DGKG: variants seen among roughly 807,000 people sequenced by gnomAD.
The protein encoded by DGKG is diacylglycerol kinase gamma, also known as DAG kinase gamma.
A neutral mutation model predicts 105.3 loss-of-function variants in DGKG; 78 were observed. The observed-to-expected ratio is 0.74, with a 90% CI of 0.62 to 0.89. The LOEUF is 0.89. Among genes scored for constraint, DGKG ranks in the 40% least tolerant of loss-of-function variants. The pLI, the probability that DGKG is intolerant of heterozygous loss-of-function variation, is 0.00. For missense variants in DGKG, 958 were observed against 1,020.1 expected, an observed-to-expected ratio of 0.94 and a Z score of 0.83; for synonymous variants, 346 against 367.1, an observed-to-expected ratio of 0.94 and a Z score of 0.66.
At chr3:186,255,169 G>T (rs755605820) in intron 17 of DGKG, among the ~76,000 whole-genome samples, 7 of 152,174 alleles carry the variant, frequency 4.6e-5, no homozygotes, top group Non-Finnish European at 8.8e-5. Context: ...ACCTCCCCGA[G>T]GGGGACTGGG....
Position 186,272,307 on chromosome 3 carries a change from C to T in DGKG, c.947G>A (p.Arg316Lys), listed in dbSNP as rs2193587. ...KYTVHERCVS[R>K]NIPGCVKTYS... ...CGTTTTGACACAACCAGGAATGTTT[C>T]TGGACACACAGCGTTCGTGGACAGT... Residue 316 changes from arginine (R) to lysine (K), a missense_variant, in exon 11 of 25, where the codon AGA becomes AAA. Physicochemically the swap from Arg to Lys is conservative, Grantham distance 26. This residue lies in a region of DGKG where 643 missense variants were observed against 619.5 expected (regional missense o/e 1.04). Coordinates refer to ENST00000265022, the MANE Select transcript of DGKG (RefSeq NM_001346.3). The T allele has an allele frequency of 0.79, 1,271,853 of 1,612,738 alleles. 502,996 individuals are homozygous for T. Among genetic ancestry groups the T allele is most frequent in the African/African-American group, 0.9 (67,389 of 75,000 alleles).
rs143487672 is a variant in DGKG at position 186,148,086 on chromosome 3, G to A, written c.*2004C>T. The A allele has an allele frequency of 1.4e-5, 14 of 985,456 alleles. No individual in the cohort carries two copies. In the African/African-American group the frequency reaches 1.6e-4, roughly 11 times the overall value. The allele number at this position is 985,456 out of a possible 1,614,324, so 61.0% of individuals were successfully genotyped here. ...CCAATGCAAGATTAGAGGCAGCTCA[G>A]TGGAACGATATCAAGTGGGTCCAAG... On this transcript the variant is annotated 3_prime_UTR_variant, in exon 25 of 25. Coordinates refer to ENST00000265022, the MANE Select transcript of DGKG (RefSeq NM_001346.3).
chr3:186,262,841 A>T (rs1721839737), intron 14 of DGKG, among the ~76,000 whole-genome samples: 1 of 152,006 alleles, frequency 6.6e-6, no homozygotes, highest in Admixed American at 6.6e-5. Context: ...TACTAAAAAA[A>T]TTTTTGGCTG....
intron 23 of DGKG, among the ~76,000 whole-genome samples, chr3:186,163,113 C>CCAGGAGG: frequency 6.6e-6 from 1 of 152,256 alleles, no homozygotes; most frequent in African/African-American, 2.4e-5. Flanking sequence ...TCAAGCGATC[C>CCAGGAGG]TCCTACCTCA....
At chr3:186,269,697 C>T (rs1722226360) in intron 11 of DGKG, among the ~76,000 whole-genome samples, 1 of 152,160 alleles carries the variant, frequency 6.6e-6, no homozygotes, top group Non-Finnish European at 1.5e-5. Context: ...CTAAAAAGCA[C>T]TCTAGAAGGA....
At chr3:186,185,602 C>T (rs914244633) in intron 22 of DGKG, among the ~76,000 whole-genome samples, 1 of 152,096 alleles carries the variant, frequency 6.6e-6, no homozygotes, top group East Asian at 1.9e-4. Context: ...CCCTTCTCTG[C>T]TCTGAGGGAG....
chr3:186,280,657 T>A lies in DGKG; in HGVS notation c.669+13A>T. 6.2e-7 allele frequency: 1 copy of A among 1,610,752 alleles called. No homozygotes were observed. On this transcript the variant is annotated intron_variant, in intron 8 of 24. Coordinates refer to ENST00000265022, the MANE Select transcript of DGKG (RefSeq NM_001346.3). ...GCTCACTCCAAAGCCACCCCATCCT[T>A]ATAGAAACTCACAGGCCTCAGCTCT... is the stretch of plus-strand genomic sequence containing the variant.
At chr3:186,188,550 G>C (rs1717753533) in intron 21 of DGKG, among the ~76,000 whole-genome samples, 171 bp from the exon 22 acceptor site, 1 of 152,104 alleles carries the variant, frequency 6.6e-6, no homozygotes, top group South Asian at 2.1e-4. Flanking sequence ...AAGTCGCTCA[G>C]ACTTAATGCT....
chr3:186,267,779 TG>T lies in DGKG; in HGVS notation c.1117-3del. ...TGATAATTCACATTTGCGGTGAAAC[TG>T]GGGGGAGAAATGAAAAAGAGAGTGA... On this transcript the variant is annotated splice_region_variant and splice_polypyrimidine_tract_variant and intron_variant, in intron 12 of 24. Transcript: ENST00000265022. The T allele has an allele frequency of 1.2e-6, 2 of 1,613,422 alleles. No homozygotes were observed. The highest frequency in any genetic ancestry group is 3.3e-5 in the Admixed American group (2 of 59,984).
chr3:186,266,410 GT>G (rs1722059802), intron 13 of DGKG, among the ~76,000 whole-genome samples: 1 of 152,064 alleles, frequency 6.6e-6, no homozygotes, highest in Admixed American at 6.6e-5. Flanking sequence ...CATTTAACTT[GT>G]TTCCAGTTTT....
intron 21 of DGKG, among the ~76,000 whole-genome samples, chr3:186,205,850 TAAA>T (rs1197815074): frequency 6.6e-6 from 1 of 151,998 alleles, no homozygotes; most frequent in South Asian, 2.1e-4. Flanking sequence ...TTTTCTGTAT[TAAA>T]AAAATCCTCA....
At chr3:186,218,847 T>C (rs1033756010) in intron 20 of DGKG, among the ~76,000 whole-genome samples, 5 of 152,184 alleles carry the variant, frequency 3.3e-5, no homozygotes, top group African/African-American at 1.2e-4. Context: ...ATCAGGTTCA[T>C]CTCAATTAAA....
At chr3:186,272,185 G>A (rs1286924380) in intron 11 of DGKG, 70 bp downstream of exon 11, 5 of 1,265,082 alleles carry the variant, frequency 4.0e-6, no homozygotes, top group Non-Finnish European at 5.8e-6. Context: ...TTCCTGCCCA[G>A]GAATCCATGT....
chr3:186,177,283 G>A (rs530149976), intron 22 of DGKG, among the ~76,000 whole-genome samples: 32 of 152,194 alleles, frequency 2.1e-4, no homozygotes, highest in Non-Finnish European at 3.7e-4. Flanking sequence ...TCCATCTTCC[G>A]GTCTTTGCTT....
rs1283825786 is a variant in DGKG, at chr3:186,355,291, C to A, written c.-249+6655G>T. Among the ~76,000 whole-genome samples the A allele has an allele frequency of 2.3e-3, 57 of 25,048 alleles. No homozygotes were observed. The East Asian group carries it at 0.032, about 14-fold the overall frequency. 16.4% of individuals were successfully genotyped at this position (25,048 alleles called of 152,430 possible). On this transcript the variant is annotated intron_variant, in intron 1 of 24. Coordinates refer to ENST00000265022, the MANE Select transcript of DGKG (RefSeq NM_001346.3). ...ACTACCACCAGCACGATCATCATCA[C>A]CACCATTATTGTCACCCCCCACCAC...
intron 2 of DGKG, among the ~76,000 whole-genome samples, chr3:186,315,838 T>TG (rs1724792650): frequency 6.6e-6 from 1 of 152,204 alleles, no homozygotes; most frequent in Non-Finnish European, 1.5e-5. Flanking sequence ...TCCGTTCCTC[T>TG]ACTTCACTGA....
At chr3:186,181,641 G>T (rs964112339) in intron 22 of DGKG, among the ~76,000 whole-genome samples, 3 of 152,212 alleles carry the variant, frequency 2.0e-5, no homozygotes, top group Non-Finnish European at 2.9e-5. Flanking sequence ...GCTGAGGCAG[G>T]AGAATCACTT....
At chr3:186,165,047 A>G (rs1245276489) in intron 22 of DGKG, 29 bp from the exon 23 acceptor site, 8 of 1,602,618 alleles carry the variant, frequency 5.0e-6, no homozygotes, top group African/African-American at 1.3e-5. Flanking sequence ...AAAGTAGTGC[A>G]TACACATCTC....
intron 20 of DGKG, 100 bp downstream of exon 20, chr3:186,242,404 G>A: frequency 3.0e-6 from 3 of 998,328 alleles, no homozygotes; most frequent in Non-Finnish European, 2.9e-6. Context: ...CAAGTCCCCA[G>A]CGGCCCTGGC....
Sources: allele counts gnomAD v4.1 joint callset (sites outside exome capture counted in the v4.1 genomes callset), GRCh38; gene constraint gnomAD v4.1.1; regional missense constraint gnomAD v4.1.1; transcripts MANE v1.5; gene names NCBI Gene and HGNC (gene_info 2026-07-23, HGNC 2026-07-21).